FHAD1: variants seen among roughly 807,000 people sequenced by gnomAD.
FHAD1 encodes the protein forkhead-associated domain-containing protein 1.
FHAD1 carries 146 observed loss-of-function variants against 191.3 expected under a neutral mutation model. The observed-to-expected ratio is 0.76, with a 90% CI of 0.67 to 0.88. The LOEUF is 0.88. Among genes scored for constraint, FHAD1 ranks in the 40% least tolerant of loss-of-function variants. FHAD1 has a pLI of 0.00. For synonymous variants in FHAD1, 616 were observed against 672.3 expected (o/e 0.92, Z 1.29); for missense variants, 1,635 against 1,785.8 (o/e 0.92, Z 1.52).
downstream of FHAD1, among the ~76,000 whole-genome samples, chr1:15,401,420 G>T (rs2103256461): frequency 6.6e-6 from 1 of 152,310 alleles, no homozygotes; most frequent in East Asian, 1.9e-4. Flanking sequence ...AGTACAGTGA[G>T]GTACCTGTAT....
At chr1:15,402,994 CT>C (rs1420942492), downstream of FHAD1, 1 of 152,164 alleles carries the variant, frequency 6.6e-6, no homozygotes, top group Non-Finnish European at 1.5e-5. Context: ...TTCAATAAAA[CT>C]TTATTTATAA....
At position 15,380,702 on chromosome 1, in the gene FHAD1, C is replaced by T. The variant is rs1038902536; in HGVS notation, c.3707C>T (p.Pro1236Leu). The T allele has an allele frequency of 1.4e-5, 21 of 1,551,136 alleles. No individual in the cohort carries two copies. In the Admixed American group the frequency reaches 2.9e-4, roughly 22 times the overall value. The change falls in exon 29 of 34, where the codon CCT becomes CTT. Residue 1236 changes from proline to leucine, a missense_variant and splice_region_variant. By Grantham distance (98) the Pro-to-Leu change is moderately conservative. Coordinates refer to ENST00000688493, the MANE Select transcript of FHAD1 (RefSeq NM_001391957.1). ...CCTTTCATTTCTTTCTGATTTCAGC[C>T]TCAGAATGGCCTTTGCAACGCAAGG... ...PTLSRIEILA[P>L]QNGLCNARFG...
chr1:15,238,893 T>G (rs1251914716), intron 1 of FHAD1, among the ~76,000 whole-genome samples: 1 of 152,156 alleles, frequency 6.6e-6, no homozygotes, highest in Non-Finnish European at 1.5e-5. Flanking sequence ...TCTTGGACAA[T>G]AGTCCTAAAC....
intron 1 of FHAD1, among the ~76,000 whole-genome samples, chr1:15,249,294 A>AT (rs1646486130): frequency 6.6e-6 from 1 of 151,824 alleles, no homozygotes; most frequent in East Asian, 1.9e-4. Context: ...AAGAGCTAAA[A>AT]AAAAAAAAAA....
chr1:15,255,841 A>G (rs1030397115), intron 2 of FHAD1, among the ~76,000 whole-genome samples: 2 of 152,184 alleles, frequency 1.3e-5, no homozygotes, highest in Non-Finnish European at 1.5e-5. Flanking sequence ...GGGAAGGGGG[A>G]GAGCTAAGAG....
chr1:15,317,608 T>C (rs1674898873), intron 9 of FHAD1, among the ~76,000 whole-genome samples: 1 of 152,208 alleles, frequency 6.6e-6, no homozygotes, highest in Non-Finnish European at 1.5e-5. Flanking sequence ...ATTTCCTTTA[T>C]CCAGAACTTT....
At chr1:15,272,581 C>A in intron 3 of FHAD1, 52 bp downstream of exon 3, 1 of 1,488,492 alleles carries the variant, frequency 6.7e-7, no homozygotes, top group South Asian at 1.2e-5. Flanking sequence ...TCGTGCAGCC[C>A]GGCGCTCGGA....
intron 2 of FHAD1, 126 bp from the exon 3 acceptor site, chr1:15,272,197 C>G: frequency 1.2e-6 from 1 of 861,948 alleles, no homozygotes; most frequent in East Asian, 2.7e-5. Flanking sequence ...CAGCCTCCTC[C>G]TTTTAAAATG....
intron 2 of FHAD1, among the ~76,000 whole-genome samples, chr1:15,271,673 T>C (rs1656071217): frequency 6.6e-6 from 1 of 152,162 alleles, no homozygotes; most frequent in Non-Finnish European, 1.5e-5. Context: ...GTTATAAAAC[T>C]ATGTATGTAG....
At chr1:15,305,717 G>A (rs1670255214) in intron 6 of FHAD1, 2 of 439,054 alleles carry the variant, frequency 4.6e-6, no homozygotes, top group African/African-American at 4.1e-5. Flanking sequence ...TTTATCAGGG[G>A]TTTCCGCTTT....
intron 19 of FHAD1, among the ~76,000 whole-genome samples, chr1:15,350,689 T>C (rs1690556989): frequency 6.6e-6 from 1 of 152,164 alleles, no homozygotes; most frequent in African/African-American, 2.4e-5. Flanking sequence ...CATGTGGGTG[T>C]GGTGGCAGAA....
At chr1:15,375,995 A>G (rs1699463352) in intron 28 of FHAD1, among the ~76,000 whole-genome samples, 1 of 151,654 alleles carries the variant, frequency 6.6e-6, no homozygotes, top group South Asian at 2.1e-4. Flanking sequence ...CCCCCTTTCC[A>G]GATCATGTAT....
At chr1:15,354,412 A>G (rs1309249836) in intron 20 of FHAD1, among the ~76,000 whole-genome samples, 1 of 152,222 alleles carries the variant, frequency 6.6e-6, no homozygotes, top group African/African-American at 2.4e-5. Flanking sequence ...GCATGTGTCC[A>G]GAGAAGGCAG....
upstream of FHAD1, among the ~76,000 whole-genome samples, chr1:15,243,209 C>A (rs1297879586): frequency 6.6e-6 from 1 of 152,176 alleles, no homozygotes; most frequent in Non-Finnish European, 1.5e-5. Flanking sequence ...TGCAGAAAGC[C>A]TCAGTTGCCA....
rs1180554979 is a variant in FHAD1, at chr1:15,391,195, CT to C, written c.4270-12del. The C allele has an allele frequency of 1.6e-6, 2 of 1,263,204 alleles. No individual in the cohort carries two copies. The highest frequency in any genetic ancestry group is 5.8e-5 in the East Asian group (1 of 17,210). The allele number at this position is 1,263,204 out of a possible 1,614,324, so 78.2% of individuals were successfully genotyped here. A position where few individuals can be genotyped will look rare whatever the true frequency, so the allele number is the denominator to read the frequency against. ...ATCTAAGCTAGATTTTGTTCTTATT[CT>C]TTCTGTATTGAAGAGACGAGTATTT... On this transcript the variant is annotated splice_polypyrimidine_tract_variant and intron_variant, in intron 32 of 33. Coordinates refer to ENST00000688493, the MANE Select transcript of FHAD1 (RefSeq NM_001391957.1).
intron 19 of FHAD1, among the ~76,000 whole-genome samples, chr1:15,349,684 C>T (rs576678099): frequency 6.6e-6 from 1 of 152,342 alleles, no homozygotes; most frequent in East Asian, 1.9e-4. Context: ...AGAGAGATGG[C>T]ACAGGTAGGT....
intron 32 of FHAD1, 31 bp downstream of exon 32, chr1:15,388,162 A>T (rs3737693): frequency 1.6e-6 from 2 of 1,250,970 alleles, no homozygotes; most frequent in South Asian, 2.5e-5. Flanking sequence ...TTGCAGACAC[A>T]GAGTAGAGAC....
intron 10 of FHAD1, among the ~76,000 whole-genome samples, chr1:15,319,335 G>A (rs989214428): frequency 2.0e-5 from 3 of 152,174 alleles, no homozygotes; most frequent in African/African-American, 7.2e-5. Context: ...ACATCTTATG[G>A]ATAGTATTGA....
At chr1:15,264,210 T>C (rs1344827876) in intron 2 of FHAD1, among the ~76,000 whole-genome samples, 1 of 152,174 alleles carries the variant, frequency 6.6e-6, no homozygotes, top group East Asian at 1.9e-4. Context: ...ATTAAATCTG[T>C]AGGTTGCTTG....
Sources: gnomAD v4.1 joint callset for allele counts (sites outside exome capture counted in the v4.1 genomes callset) on GRCh38, gnomAD v4.1.1 for gene constraint, MANE v1.5 for transcripts, NCBI Gene and HGNC (gene_info 2026-07-23, HGNC 2026-07-21) for gene names.